Variants in LRRIQ3 observed in about 807,000 individuals in gnomAD.
LRRIQ3 encodes the protein leucine rich repeats and IQ motif containing 3, also known as leucine-rich repeat and IQ domain-containing protein 3.
Under a neutral mutation model 59.3 loss-of-function variants are expected in LRRIQ3, and 75 were observed. The ratio of observed to expected loss-of-function variants is 1.26; its 90% confidence interval spans 1.05 to 1.53. The LOEUF (loss-of-function observed/expected upper bound fraction) is 1.53, where lower values mean the gene tolerates loss of function less well. Among genes scored for constraint, LRRIQ3 ranks in the 40% most tolerant of loss-of-function variants. The pLI is 0.00. For missense variants in LRRIQ3, 831 were observed against 710.0 expected, an observed-to-expected ratio of 1.17 and a Z score of -1.94; for synonymous variants, 250 against 231.3, an observed-to-expected ratio of 1.08 and a Z score of -0.73.
chr1:74,051,289 C>T (rs571679681), intron 6 of LRRIQ3, among the ~76,000 whole-genome samples: 61 of 152,102 alleles, frequency 4.0e-4, no homozygotes, highest in African/African-American at 1.4e-3. Context: ...TTATAAGTAC[C>T]GTTCACACTA....
At chr1:74,124,694 C>T (rs1424977942) in intron 4 of LRRIQ3, among the ~76,000 whole-genome samples, 1 of 151,916 alleles carries the variant, frequency 6.6e-6, no homozygotes. Context: ...GTTCTGAGTT[C>T]TCTATTCTAT....
chr1:74,181,042 C>T (rs1393972438), intron 3 of LRRIQ3: 1 of 446,306 alleles, frequency 2.2e-6, no homozygotes, highest in Admixed American at 3.9e-5. Flanking sequence ...GTATTATTTA[C>T]CACTGAATCT....
intron 5 of LRRIQ3, among the ~76,000 whole-genome samples, chr1:74,090,101 G>C (rs1364266538): frequency 6.6e-6 from 1 of 151,964 alleles, no homozygotes; most frequent in East Asian, 1.9e-4. Flanking sequence ...TTTACTGTTT[G>C]ATAAAACTGA....
intron 5 of LRRIQ3, among the ~76,000 whole-genome samples, chr1:74,107,358 G>T (rs1357685321): frequency 6.6e-6 from 1 of 151,412 alleles, no homozygotes; most frequent in African/African-American, 2.4e-5. Context: ...AAATGTTCAT[G>T]TTTTCTCACC....
At chr1:74,129,423 A>C (rs1315145508) in intron 4 of LRRIQ3, among the ~76,000 whole-genome samples, 1 of 152,012 alleles carries the variant, frequency 6.6e-6, no homozygotes, top group East Asian at 1.9e-4. Flanking sequence ...TCAAGGACCC[A>C]GGGCTCTTTA....
At chr1:74,081,792 A>G (rs563304060) in intron 5 of LRRIQ3, 59 of 151,598 alleles carry the variant, frequency 3.9e-4, no homozygotes, top group African/African-American at 1.4e-3. Flanking sequence ...ATAATTCTAT[A>G]TCTTTATCTA....
At chr1:74,049,764 TA>T (rs1435074374) in intron 6 of LRRIQ3, among the ~76,000 whole-genome samples, 1 of 152,074 alleles carries the variant, frequency 6.6e-6, no homozygotes, top group East Asian at 1.9e-4. Context: ...TTGTTTATAT[TA>T]AAAAATCATT....
At chr1:74,114,753 C>T (rs1202183679) in intron 4 of LRRIQ3, among the ~76,000 whole-genome samples, 1 of 147,502 alleles carries the variant, frequency 6.8e-6, no homozygotes, top group South Asian at 2.1e-4. Context: ...AAAAAAAATG[C>T]ACCAAGAAAA....
At position 74,155,848 on chromosome 1, in the gene LRRIQ3, C is replaced by G. The variant is rs1236814969; in HGVS notation, c.592G>C (p.Glu198Gln). 1 of 1,509,254 alleles carries G rather than the reference C, an allele frequency of 6.6e-7. No homozygotes were observed. Among genetic ancestry groups the G allele is most frequent in the Non-Finnish European group, 9.0e-7 (1 of 1,114,638 alleles). 93.5% of individuals were successfully genotyped at this position (1,509,254 alleles called of 1,614,324 possible). ...ALRKGTTYEE[E>Q]INNIKHITSK... ...GTAATATGTTTAATATTATTAATTT[C>G]CTCTTCATAGGTTGTTCCCTGTATA... Residue 198 changes from glutamate to glutamine, a missense_variant, in exon 4 of 8, where the codon GAA becomes CAA. Glu to Gln is a conservative substitution (Grantham distance 29, BLOSUM62 2). Coordinates refer to ENST00000354431, the MANE Select transcript of LRRIQ3 (RefSeq NM_001105659.2).
intron 6 of LRRIQ3, among the ~76,000 whole-genome samples, chr1:74,058,290 T>C (rs539677602): frequency 9.9e-5 from 15 of 152,198 alleles, no homozygotes; most frequent in African/African-American, 3.6e-4. Flanking sequence ...TGCAGCACTA[T>C]TCACAATAGC....
At chr1:74,076,460 T>C (rs1214821337) in intron 5 of LRRIQ3, among the ~76,000 whole-genome samples, 1 of 152,082 alleles carries the variant, frequency 6.6e-6, no homozygotes, top group Non-Finnish European at 1.5e-5. Context: ...TAGTTCTTAG[T>C]CCTAGTTTCA....
intron 5 of LRRIQ3, among the ~76,000 whole-genome samples, chr1:74,076,276 T>G (rs1646208708): frequency 6.6e-6 from 1 of 152,190 alleles, no homozygotes; most frequent in Non-Finnish European, 1.5e-5. Flanking sequence ...CTGAGATCTT[T>G]GGTTTTGTGT....
chr1:74,156,603 C>T (rs980266971), intron 3 of LRRIQ3, among the ~76,000 whole-genome samples: 2 of 152,044 alleles, frequency 1.3e-5, no homozygotes, highest in African/African-American at 2.4e-5. Flanking sequence ...GTGGCACAAA[C>T]AGGTGTCCAA....
intron 4 of LRRIQ3, among the ~76,000 whole-genome samples, chr1:74,131,541 T>A (rs1647020334): frequency 6.6e-6 from 1 of 152,188 alleles, no homozygotes; most frequent in South Asian, 2.1e-4. Context: ...TCAAGTGGGC[T>A]TCAACCCTGG....
chr1:74,052,583 T>C (rs1234075438), intron 6 of LRRIQ3, among the ~76,000 whole-genome samples: 2 of 152,282 alleles, frequency 1.3e-5, no homozygotes, highest in East Asian at 3.9e-4. Context: ...ACATCTCTAA[T>C]ATCCTCAAAA....
chr1:74,159,946 C>T (rs1570234835), intron 3 of LRRIQ3, among the ~76,000 whole-genome samples: 1 of 151,966 alleles, frequency 6.6e-6, no homozygotes, highest in South Asian at 2.1e-4. Flanking sequence ...TAAATTCTAT[C>T]AAATAGCCCT....
intron 4 of LRRIQ3, among the ~76,000 whole-genome samples, chr1:74,143,724 A>C (rs1647377936): frequency 6.6e-6 from 1 of 151,332 alleles, no homozygotes; most frequent in Admixed American, 6.6e-5. Context: ...ATAATCTTTT[A>C]TATATTATAT....
intron 4 of LRRIQ3, chr1:74,144,499 T>C: frequency 3.0e-6 from 1 of 329,192 alleles, no homozygotes; most frequent in Non-Finnish European, 6.2e-6. Context: ...TCTCGCTTTC[T>C]TGGACACATC....
intron 6 of LRRIQ3, among the ~76,000 whole-genome samples, chr1:74,044,593 GA>G (rs1284224594): frequency 6.6e-6 from 1 of 152,076 alleles, no homozygotes; most frequent in Non-Finnish European, 1.5e-5. Flanking sequence ...AAAGCTAGCA[GA>G]AGACAAGAAA....
Sources: allele counts gnomAD v4.1 joint callset (sites outside exome capture counted in the v4.1 genomes callset), GRCh38; gene constraint gnomAD v4.1.1; transcripts MANE v1.5; gene names NCBI Gene and HGNC (gene_info 2026-07-23, HGNC 2026-07-21).